PLEKHH2: variants seen among roughly 807,000 people sequenced by gnomAD.
The protein encoded by PLEKHH2 is pleckstrin homology, MyTH4 and FERM domain containing H2.
Under a neutral mutation model 187.9 loss-of-function variants are expected in PLEKHH2, and 129 were observed. The observed-to-expected ratio is 0.69, with a 90% CI of 0.59 to 0.79. PLEKHH2 has a LOEUF of 0.79. PLEKHH2 is among the 30% of genes least tolerant of loss of function. The probability of loss-of-function intolerance (pLI) is 0.00; values close to 1 mark genes in which losing one functional copy is unlikely to be tolerated. For synonymous variants in PLEKHH2, 686 were observed against 605.6 expected (o/e 1.13, Z -1.95); for missense variants, 2,076 against 1,751.2 (o/e 1.19, Z -3.31).
chr2:43,750,781 C>G (rs904215590), intron 24 of PLEKHH2, among the ~76,000 whole-genome samples: 1 of 152,162 alleles, frequency 6.6e-6, no homozygotes, highest in Non-Finnish European at 1.5e-5. Flanking sequence ...GCAATTCTCA[C>G]GTACCATTTA....
chr2:43,760,732 C>T lies in PLEKHH2; in HGVS notation c.4072-1572C>T, dbSNP rs1180318080. On this transcript the variant is annotated intron_variant, in intron 27 of 29. Coordinates refer to ENST00000282406, the MANE Select transcript of PLEKHH2 (RefSeq NM_172069.4). ...ATTCTCATTGTTGTGTTGCTGTCAC[C>T]ACCATTCATCTAAACACTTTTTTAT... 2.0e-5 allele frequency among the ~76,000 whole-genome samples: 3 copies of T among 151,562 alleles called. No individual in the cohort carries two copies. In the East Asian group the frequency reaches 5.8e-4, roughly 29 times the overall value.
intron 18 of PLEKHH2, 131 bp from the exon 19 acceptor site, chr2:43,731,359 T>A (rs903844156): frequency 1.6e-6 from 1 of 614,252 alleles, no homozygotes; most frequent in African/African-American, 2.0e-5. Flanking sequence ...GCCAAAGAGT[T>A]TTTTTCTGAC....
intron 2 of PLEKHH2, among the ~76,000 whole-genome samples, chr2:43,648,084 G>T (rs549539430): frequency 1.1e-4 from 17 of 152,264 alleles, no homozygotes; most frequent in Admixed American, 7.8e-4. Context: ...CAGAGCTGCC[G>T]TTAGACCGTA....
At chr2:43,753,406 C>T (rs1016341577) in intron 24 of PLEKHH2, among the ~76,000 whole-genome samples, 2 of 152,152 alleles carry the variant, frequency 1.3e-5, no homozygotes, top group African/African-American at 2.4e-5. Flanking sequence ...CCACCTCCAG[C>T]ACTTCTCAAC....
rs1669308677 is a variant in PLEKHH2, at chr2:43,700,491, A to G, written c.1533A>G (p.Leu511=). The G allele has an allele frequency of 1.9e-6, 3 of 1,613,932 alleles. No individual in the cohort carries two copies. Among genetic ancestry groups the G allele is most frequent in the Non-Finnish European group, 2.5e-6 (3 of 1,180,024 alleles). Residue 511 remains leucine, a synonymous_variant, in exon 8 of 30, where the codon TTA becomes TTG. Transcript: ENST00000282406. The stretch of plus-strand genomic sequence containing the variant: ...TGGACACGAGTTGTGATGATGGATT[A>G]TTTTCCTATGACTCCTTGGACTCTC... The part of the protein sequence containing the change: ...ENMDTSCDDG[L]FSYDSLDSPN...
intron 20 of PLEKHH2, 126 bp from the exon 21 acceptor site, chr2:43,740,820 T>C (rs1388433774): frequency 1.3e-5 from 19 of 1,423,326 alleles, no homozygotes; most frequent in Non-Finnish European, 1.7e-5. Flanking sequence ...AAACAGATCA[T>C]GCATATGTGA....
intron 17 of PLEKHH2, among the ~76,000 whole-genome samples, chr2:43,728,076 G>T (rs1670852801): frequency 6.6e-6 from 1 of 152,186 alleles, no homozygotes; most frequent in South Asian, 2.1e-4. Flanking sequence ...GGTGAGAATA[G>T]AAATTAGTGT....
chr2:43,687,561 C>T (rs1306034408), intron 3 of PLEKHH2, among the ~76,000 whole-genome samples: 3 of 152,180 alleles, frequency 2.0e-5, no homozygotes, highest in African/African-American at 4.8e-5. Flanking sequence ...TGAGAAACCT[C>T]TGACTGCTTT....
intron 16 of PLEKHH2, among the ~76,000 whole-genome samples, chr2:43,721,055 C>A (rs781117788): frequency 1.3e-5 from 2 of 152,084 alleles, no homozygotes; most frequent in African/African-American, 2.4e-5. Context: ...TCTTACAGAC[C>A]AGATAAGGTT....
At chr2:43,675,149 A>T in intron 2 of PLEKHH2, 1 of 393,432 alleles carries the variant, frequency 2.5e-6, no homozygotes, top group Non-Finnish European at 4.5e-6. Context: ...AAGCAGGTGA[A>T]ATTAATTTTA....
intron 3 of PLEKHH2, among the ~76,000 whole-genome samples, chr2:43,688,092 C>T (rs1159167640): frequency 6.6e-6 from 1 of 152,194 alleles, no homozygotes; most frequent in African/African-American, 2.4e-5. Flanking sequence ...TGAGCCACCA[C>T]ACCCAGCCTG....
intron 27 of PLEKHH2, 40 bp downstream of exon 27, chr2:43,759,069 T>C: frequency 6.3e-7 from 1 of 1,592,866 alleles, no homozygotes. Flanking sequence ...TGAAAACCTT[T>C]GTGTACATAG....
chr2:43,701,377 C>T (rs1191707394), intron 8 of PLEKHH2, among the ~76,000 whole-genome samples: 1 of 152,148 alleles, frequency 6.6e-6, no homozygotes, highest in Non-Finnish European at 1.5e-5. Context: ...GCCACTCTTC[C>T]TCTTGGGGAG....
At chr2:43,764,782 T>G (rs1026010791) in intron 29 of PLEKHH2, among the ~76,000 whole-genome samples, 2 of 152,228 alleles carry the variant, frequency 1.3e-5, no homozygotes, top group African/African-American at 2.4e-5. Context: ...GACTGGGATT[T>G]TATAATTAAA....
At chr2:43,757,970 G>T (rs139849190) in intron 26 of PLEKHH2, among the ~76,000 whole-genome samples, 66 of 152,110 alleles carry the variant, frequency 4.3e-4, no homozygotes, top group African/African-American at 1.5e-3. Flanking sequence ...TCTTACAAAA[G>T]ACTTTTTAAT....
chr2:43,715,106 C>T lies in PLEKHH2; in HGVS notation c.2460+2723C>T, dbSNP rs546356917. ...CAGCCTGACCAACATGGTGAAAACC[C>T]GTCTACTAAAAATACAAAAATTAAC... On this transcript the variant is annotated intron_variant, in intron 15 of 29. Coordinates refer to ENST00000282406, the MANE Select transcript of PLEKHH2 (RefSeq NM_172069.4). Among the ~76,000 whole-genome samples, 214 of 151,834 alleles carry T rather than the reference C, an allele frequency of 1.4e-3. 1 individual carries two copies. Among genetic ancestry groups the T allele is most frequent in the African/African-American group, 5.0e-3 (205 of 41,410 alleles).
intron 27 of PLEKHH2, among the ~76,000 whole-genome samples, chr2:43,760,265 C>T (rs1312440218): frequency 6.6e-6 from 1 of 150,864 alleles, no homozygotes; most frequent in Non-Finnish European, 1.5e-5. Flanking sequence ...GCTCACTTTT[C>T]TTTCTTTATA....
chr2:43,653,908 T>C (rs746897086), intron 2 of PLEKHH2, among the ~76,000 whole-genome samples: 1 of 152,242 alleles, frequency 6.6e-6, no homozygotes, highest in Non-Finnish European at 1.5e-5. Flanking sequence ...TCACACATAG[T>C]TACAATAATA....
intron 14 of PLEKHH2, chr2:43,711,412 A>G: frequency 1.0e-6 from 1 of 982,808 alleles, no homozygotes. Flanking sequence ...CTAATTTGAG[A>G]CTGGAACATT....
Sources: gnomAD v4.1 joint callset for allele counts (sites outside exome capture counted in the v4.1 genomes callset) on GRCh38, gnomAD v4.1.1 for gene constraint, MANE v1.5 for transcripts, NCBI Gene and HGNC (gene_info 2026-07-23, HGNC 2026-07-21) for gene names.